Variants in ROBO1 observed in about 807,000 individuals in gnomAD.
ROBO1 encodes roundabout homolog 1.
In ROBO1, 149 loss-of-function variants were observed where a neutral mutation model predicts 195.9. The ratio of observed to expected loss-of-function variants is 0.76; its 90% CI spans 0.67 to 0.87. The LOEUF is 0.87. Among genes scored for constraint, ROBO1 ranks in the 40% least tolerant of loss-of-function variants. The pLI, the probability that ROBO1 is intolerant of heterozygous loss-of-function variation, is 0.00. For missense variants in ROBO1, 1,933 were observed against 2,068.3 expected, an observed-to-expected ratio of 0.93 and a Z score of 1.27; for synonymous variants, 816 against 733.2, an observed-to-expected ratio of 1.11 and a Z score of -1.82.
At chr3:79,098,902 T>A (rs1405477240) in intron 3 of ROBO1, among the ~76,000 whole-genome samples, 2 of 151,768 alleles carry the variant, frequency 1.3e-5, no homozygotes, top group Admixed American at 1.3e-4. Context: ...ATTTTCTGCC[T>A]CCATAAACGT....
chr3:79,337,419 A>G (rs181921576), intron 2 of ROBO1, among the ~76,000 whole-genome samples: 118 of 152,236 alleles, frequency 7.8e-4, no homozygotes, highest in African/African-American at 2.8e-3. Flanking sequence ...ACAAGATCTG[A>G]TAGTTTTATT....
At chr3:79,222,386 C>T (rs778533852) in intron 2 of ROBO1, among the ~76,000 whole-genome samples, 22 of 151,878 alleles carry the variant, frequency 1.4e-4, no homozygotes, top group Non-Finnish European at 2.6e-4. Context: ...AGTAGATTCC[C>T]CACAATTAGT....
chr3:78,637,071 T>C (rs931792191), intron 22 of ROBO1, among the ~76,000 whole-genome samples: 2 of 125,712 alleles, frequency 1.6e-5, no homozygotes, highest in Non-Finnish European at 3.2e-5. Flanking sequence ...ATTACAATGG[T>C]AAAAATGTCA....
chr3:79,274,061 A>G (rs1385896754), intron 2 of ROBO1, among the ~76,000 whole-genome samples: 1 of 152,076 alleles, frequency 6.6e-6, no homozygotes, highest in Non-Finnish European at 1.5e-5. Context: ...CAACATAATA[A>G]TAGCTGGAGC....
chr3:78,604,269 C>T (rs1703344816), intron 29 of ROBO1, among the ~76,000 whole-genome samples: 2 of 152,020 alleles, frequency 1.3e-5, no homozygotes, highest in Admixed American at 1.3e-4. Flanking sequence ...TGGGGTTTCA[C>T]CATGTTGGCC....
At chr3:79,593,219 T>C (rs916355018) in intron 1 of ROBO1, among the ~76,000 whole-genome samples, 1 of 152,086 alleles carries the variant, frequency 6.6e-6, no homozygotes, top group Non-Finnish European at 1.5e-5. Context: ...GGAATAAATA[T>C]CCGTTTGCAG....
At chr3:79,151,474 C>A (rs2080768030) in intron 2 of ROBO1, among the ~76,000 whole-genome samples, 1 of 151,658 alleles carries the variant, frequency 6.6e-6, no homozygotes, top group East Asian at 1.9e-4. Flanking sequence ...CTTAATCGCC[C>A]CTCGTCTCTC....
intron 2 of ROBO1, among the ~76,000 whole-genome samples, chr3:79,315,769 G>A (rs1218297867): frequency 1.3e-5 from 2 of 152,146 alleles, no homozygotes; most frequent in African/African-American, 2.4e-5. Context: ...GCAAGATTTA[G>A]GCAAAAAGAT....
At chr3:78,668,459 A>T in intron 12 of ROBO1, 25 bp downstream of exon 12, 1 of 1,612,324 alleles carries the variant, frequency 6.2e-7, no homozygotes, top group Non-Finnish European at 8.5e-7. Flanking sequence ...GCTTCACTTT[A>T]AGGGAAACAC....
intron 3 of ROBO1, among the ~76,000 whole-genome samples, chr3:78,975,060 G>A (rs894296495): frequency 9.9e-5 from 15 of 152,006 alleles, no homozygotes; most frequent in Admixed American, 4.6e-4. Flanking sequence ...GTGAGTTTGG[G>A]GCCCTTCTAA....
intron 3 of ROBO1, among the ~76,000 whole-genome samples, chr3:79,119,769 A>ATTT (rs111507623): frequency 6.8e-6 from 1 of 146,578 alleles, no homozygotes; most frequent in Non-Finnish European, 1.5e-5. Flanking sequence ...TGATTCATGG[A>ATTT]TTTTTTTTTT....
intron 2 of ROBO1, among the ~76,000 whole-genome samples, chr3:79,165,382 T>C (rs1222244454): frequency 6.6e-6 from 1 of 152,218 alleles, no homozygotes; most frequent in African/African-American, 2.4e-5. Context: ...GTTGAGTTCT[T>C]TCAGCATTAG....
At chr3:79,762,658 G>C (rs1349629288) in intron 1 of ROBO1, among the ~76,000 whole-genome samples, 1 of 137,700 alleles carries the variant, frequency 7.3e-6, no homozygotes, top group African/African-American at 2.6e-5. Flanking sequence ...GAAACATCCT[G>C]AGTGTTTAAG....
At chr3:79,662,148 A>C (rs2106835628) in intron 1 of ROBO1, among the ~76,000 whole-genome samples, 1 of 152,170 alleles carries the variant, frequency 6.6e-6, no homozygotes, top group Non-Finnish European at 1.5e-5. Context: ...GATGTGATTT[A>C]AATTCTCTGG....
intron 3 of ROBO1, among the ~76,000 whole-genome samples, chr3:79,005,145 A>C (rs1406955028): frequency 6.6e-6 from 1 of 152,206 alleles, no homozygotes; most frequent in Non-Finnish European, 1.5e-5. Context: ...TATGGACAAT[A>C]AAATGTTGGT....
intron 1 of ROBO1, among the ~76,000 whole-genome samples, chr3:79,624,786 TCAA>T (rs943445410): frequency 2.0e-4 from 30 of 152,078 alleles, no homozygotes; most frequent in African/African-American, 7.2e-4. Flanking sequence ...ATTAGACAGA[TCAA>T]CAAGACAGAA....
intron 2 of ROBO1, among the ~76,000 whole-genome samples, chr3:79,285,763 T>C (rs2031848905): frequency 6.6e-6 from 1 of 152,156 alleles, no homozygotes; most frequent in South Asian, 2.1e-4. Context: ...GGCCTAGAAT[T>C]CCAAGAAATT....
intron 1 of ROBO1, among the ~76,000 whole-genome samples, chr3:79,699,040 G>A (rs957209849): frequency 3.3e-5 from 5 of 149,810 alleles, no homozygotes; most frequent in African/African-American, 1.2e-4. Context: ...TTCAAAGAGA[G>A]ATCATTAAAG....
At chr3:79,084,898 T>C (rs2108472662) in intron 3 of ROBO1, among the ~76,000 whole-genome samples, 1 of 152,272 alleles carries the variant, frequency 6.6e-6, no homozygotes, top group East Asian at 1.9e-4. Context: ...GAAAATTTAT[T>C]TTCTAATAAG....
Sources: gnomAD v4.1 joint callset for allele counts (sites outside exome capture counted in the v4.1 genomes callset) on GRCh38, gnomAD v4.1.1 for gene constraint, MANE v1.5 for transcripts, NCBI Gene and HGNC (gene_info 2026-07-23, HGNC 2026-07-21) for gene names.